Variants in ANXA4 observed in about 807,000 individuals in gnomAD.
ANXA4 encodes 35-beta calcimedin.
In ANXA4, 39 loss-of-function variants were observed where a neutral mutation model predicts 49.8. That is an observed-to-expected ratio of 0.78 (90% CI 0.61 to 1.02). The LOEUF is 1.02. Ranked by LOEUF, ANXA4 falls within the 50% of genes least tolerant of loss-of-function variation. The pLI is 0.00. For synonymous variants in ANXA4, 134 were observed against 152.5 expected (o/e 0.88, Z 0.89); for missense variants, 360 against 410.1 (o/e 0.88, Z 1.05).
chr2:69,655,009 C>T (rs905443308), intron 2 of ANXA4, among the ~76,000 whole-genome samples: 3 of 152,106 alleles, frequency 2.0e-5, no homozygotes, highest in Non-Finnish European at 4.4e-5. Context: ...TTCCTTACAC[C>T]TTATACAAAA....
rs574484708 is a variant in ANXA4, at chr2:69,717,760, G to A, written n.767-3014G>A. Among the ~76,000 whole-genome samples, 30 of 152,250 alleles carry A rather than the reference G, an allele frequency of 2.0e-4. No homozygotes were observed. The South Asian group carries it at 5.8e-3, about 30-fold the overall frequency. On this transcript the variant is annotated intron_variant and non_coding_transcript_variant, in intron 2 of 3. Coordinates refer to the ANXA4 transcript ENST00000418066. ...TGCCCTGAGCCTTCCTGATGCCTGG[G>A]ACTGGTACCTCATCCAGTTTGCTTG...
intron 1 of ANXA4, among the ~76,000 whole-genome samples, chr2:69,772,258 C>T (rs1230754520): frequency 2.0e-5 from 3 of 152,246 alleles, no homozygotes; most frequent in Non-Finnish European, 4.4e-5. Flanking sequence ...AAACCCCCAA[C>T]ACAGTCTGAG....
intron 2 of ANXA4, among the ~76,000 whole-genome samples, chr2:69,718,692 C>T (rs972839955): frequency 8.5e-5 from 13 of 152,146 alleles, no homozygotes; most frequent in Non-Finnish European, 1.6e-4. Context: ...TATACACATG[C>T]ATGCATGCAC....
At chr2:69,734,436 C>G (rs6735755) in intron 3 of ANXA4, among the ~76,000 whole-genome samples, 1 of 152,094 alleles carries the variant, frequency 6.6e-6, no homozygotes, top group Non-Finnish European at 1.5e-5. Context: ...TTGAAATAGA[C>G]CCCTGAGGAG....
In ANXA4 at chr2:69,781,638, C is replaced by T; in HGVS notation, c.9+64C>T. On this transcript the variant is annotated intron_variant, in intron 2 of 12. Coordinates refer to ENST00000394295, the MANE Select transcript of ANXA4 (RefSeq NM_001153.5). ...TGCCAACAGGTACAGAATGTGGGCTCAGCAACTGTTAGCTTAAACAAAGCA... is the reference window on the plus strand; with the variant it reads ...TGCCAACAGGTACAGAATGTGGGCTTAGCAACTGTTAGCTTAAACAAAGCA... 8 of 1,580,194 alleles carry T rather than the reference C, an allele frequency of 5.1e-6. No individual in the cohort carries two copies. The South Asian group carries it at 8.9e-5, about 18-fold the overall frequency.
At chr2:69,774,891 A>G (rs1315220301) in intron 1 of ANXA4, among the ~76,000 whole-genome samples, 1 of 152,128 alleles carries the variant, frequency 6.6e-6, no homozygotes, top group Non-Finnish European at 1.5e-5. Context: ...ATAACCTCCT[A>G]TGTGTCTGGA....
At chr2:69,802,886 T>A (rs953489486) in intron 3 of ANXA4, among the ~76,000 whole-genome samples, 5 of 151,634 alleles carry the variant, frequency 3.3e-5, no homozygotes, top group Admixed American at 2.6e-4. Flanking sequence ...TTATATGGAT[T>A]GTCCTCTCCT....
intron 3 of ANXA4, among the ~76,000 whole-genome samples, chr2:69,725,523 A>G (rs370352530): frequency 6.6e-6 from 1 of 152,088 alleles, no homozygotes; most frequent in Non-Finnish European, 1.5e-5. Flanking sequence ...GTGTGCCTTA[A>G]GTGTACGGTT....
intron 9 of ANXA4, chr2:69,817,945 G>T (rs1573316625): frequency 6.6e-6 from 1 of 152,170 alleles, no homozygotes; most frequent in African/African-American, 2.4e-5. Context: ...TATGTTGTTG[G>T]GTATGGTGTC....
rs768786812 is a variant in ANXA4, at chr2:69,807,991, A to G, written c.392A>G (p.Gln131Arg). Residue 131 changes from glutamine to arginine, a missense_variant, in exon 6 of 13, where the codon CAG becomes CGG. Gln to Arg is a conservative substitution (Grantham distance 43, BLOSUM62 1). Transcript: ENST00000394295. ...EEIRRISQTY[Q>R]QQYGRSLEDD... ...ATCCGGCGCATAAGCCAAACCTACC[A>G]GCAGCGTACGTGACATCCGCAGTGG... The G allele has an allele frequency of 2.5e-6, 4 of 1,613,958 alleles. No individual in the cohort carries two copies. Among genetic ancestry groups the G allele is most frequent in the South Asian group, 1.1e-5 (1 of 91,082 alleles).
chr2:69,804,257 G>A (rs192179883), intron 3 of ANXA4, among the ~76,000 whole-genome samples: 4 of 151,944 alleles, frequency 2.6e-5, no homozygotes, highest in Admixed American at 1.3e-4. Flanking sequence ...GCAGCCTATC[G>A]AGGGAAATCA....
intron 5 of ANXA4, among the ~76,000 whole-genome samples, chr2:69,807,468 A>G (rs1332379640): frequency 1.3e-5 from 2 of 152,090 alleles, no homozygotes; most frequent in East Asian, 3.9e-4. Context: ...AGTGTATTGT[A>G]CTCCTCATCA....
chr2:69,710,064 T>C (rs1193184925), intron 2 of ANXA4, among the ~76,000 whole-genome samples: 2 of 146,718 alleles, frequency 1.4e-5, no homozygotes, highest in Non-Finnish European at 3.0e-5. Context: ...CTCAGCTCAC[T>C]GCAACCTCCA....
At position 69,820,699 on chromosome 2, in the gene ANXA4, G is replaced by A. The variant is rs752507919; in HGVS notation, c.784G>A (p.Gly262Ser). 1.9e-5 allele frequency: 30 copies of A among 1,613,680 alleles called. No homozygotes were observed. Among genetic ancestry groups the A allele is most frequent in the Non-Finnish European group, 2.5e-5 (30 of 1,179,920 alleles). ...GTTTGGATTTCGTTTTCTTCCTTAGGGCTTGGGCACCGATGATAACACCCT... is the reference window on the plus strand; with the variant it reads ...GTTTGGATTTCGTTTTCTTCCTTAGAGCTTGGGCACCGATGATAACACCCT... ...FAEKLYKSMK[G>S]LGTDDNTLIR... The change falls in exon 12 of 13, where the codon GGC becomes AGC. Residue 262 changes from glycine to serine, a missense_variant and splice_region_variant. Transcript: ENST00000394295.
intron 1 of ANXA4, among the ~76,000 whole-genome samples, chr2:69,780,203 T>C (rs186780247): frequency 5.3e-5 from 8 of 152,270 alleles, no homozygotes; most frequent in Admixed American, 5.2e-4. Context: ...TTTTTCTATC[T>C]CTCTCTTTTG....
At chr2:69,795,523 A>G (rs1250704246) in intron 3 of ANXA4, among the ~76,000 whole-genome samples, 8 of 152,122 alleles carry the variant, frequency 5.3e-5, no homozygotes, top group Admixed American at 3.3e-4. Context: ...AAGGACTGTT[A>G]CAGGGTCTGA....
At chr2:69,716,181 G>A (rs371173907) in intron 2 of ANXA4, among the ~76,000 whole-genome samples, 3 of 152,182 alleles carry the variant, frequency 2.0e-5, no homozygotes, top group African/African-American at 7.2e-5. Flanking sequence ...GAGAGAGAGA[G>A]AGCTGACAGC....
chr2:69,717,371 A>G (rs930302360), intron 2 of ANXA4, among the ~76,000 whole-genome samples: 1 of 151,998 alleles, frequency 6.6e-6, no homozygotes, highest in African/African-American at 2.4e-5. Context: ...CTTTCATCCC[A>G]CACTCCCAAA....
chr2:69,666,802 T>C lies in ANXA4; in HGVS notation n.766+13520T>C, dbSNP rs973649028. Among the ~76,000 whole-genome samples the C allele has an allele frequency of 2.0e-5, 3 of 152,168 alleles. No individual in the cohort carries two copies. In the South Asian group the frequency reaches 6.2e-4, roughly 32 times the overall value. On this transcript the variant is annotated intron_variant and non_coding_transcript_variant, in intron 2 of 3. Transcript: ENST00000418066. ...GGCTCATGCCTGTAATCCCAGCACT[T>C]TGGGAGGCCAAGGTGGGAGGATCAC... is the stretch of plus-strand genomic sequence containing the variant.
Sources: gnomAD v4.1 joint callset for allele counts (sites outside exome capture counted in the v4.1 genomes callset) on GRCh38, gnomAD v4.1.1 for gene constraint, MANE v1.5 for transcripts, NCBI Gene and HGNC (gene_info 2026-07-23, HGNC 2026-07-21) for gene names.